The following JARID2 variants were observed in gnomAD, a reference collection of about 807,000 sequenced individuals.
JARID2 encodes the protein jumonji and AT-rich interaction domain containing 2.
A neutral mutation model predicts 125.6 loss-of-function variants in JARID2; 21 were observed. That is an observed-to-expected ratio of 0.17 (90% confidence interval 0.12 to 0.24). The LOEUF (loss-of-function observed/expected upper bound fraction) is 0.24, where lower values mean the gene tolerates loss of function less well. JARID2 is among the 10% of genes least tolerant of loss of function. JARID2 has a pLI of 1.00. For synonymous variants in JARID2, 736 were observed against 661.6 expected (o/e 1.11, Z -1.73); for missense variants, 1,303 against 1,639.6 (o/e 0.79, Z 3.55).
intron 1 of JARID2, chr6:15,248,734 G>T (rs1759305554): frequency 5.6e-6 from 1 of 177,960 alleles, no homozygotes; most frequent in Non-Finnish European, 1.1e-5. Flanking sequence ...GCCGCACTCT[G>T]TTGTCATTGT....
Position 15,283,492 on chromosome 6 carries a change from CAGCT to C in JARID2, c.45+36910_45+36913del, listed in dbSNP as rs1482586860. ...AGTAGCTGGGACTACAGGCATGCAC[CAGCT>C]ACGCCCGGCTAATTTTCTTGTATTT... On this transcript the variant is annotated intron_variant, in intron 1 of 17. Transcript: ENST00000341776. 3.0e-3 allele frequency among the ~76,000 whole-genome samples: 432 copies of C among 146,346 alleles called. 7 individuals are homozygous for C. The highest frequency in any genetic ancestry group is 9.9e-3 in the African/African-American group (388 of 39,320).
At chr6:15,268,429 A>G (rs528892449) in intron 1 of JARID2, among the ~76,000 whole-genome samples, 1 of 152,254 alleles carries the variant, frequency 6.6e-6, no homozygotes, top group South Asian at 2.1e-4. Context: ...TCCATTATCC[A>G]GTTATGGCAG....
intron 1 of JARID2, among the ~76,000 whole-genome samples, chr6:15,289,920 A>T (rs1761143404): frequency 6.6e-6 from 1 of 152,216 alleles, no homozygotes; most frequent in South Asian, 2.1e-4. Flanking sequence ...AAATTGTGGA[A>T]TGTACAAGTC....
intron 2 of JARID2, among the ~76,000 whole-genome samples, chr6:15,378,502 C>T (rs1426542616): frequency 2.0e-5 from 3 of 152,018 alleles, no homozygotes; most frequent in Non-Finnish European, 4.4e-5. Flanking sequence ...CAGAGACTCT[C>T]AGAGATCTGT....
At chr6:15,478,329 C>A (rs1769448594) in intron 5 of JARID2, among the ~76,000 whole-genome samples, 1 of 152,120 alleles carries the variant, frequency 6.6e-6, no homozygotes, top group African/African-American at 2.4e-5. Context: ...ACCTGACTCG[C>A]AATGCTGCTT....
At chr6:15,475,353 G>T (rs1373936071) in intron 5 of JARID2, among the ~76,000 whole-genome samples, 1 of 152,200 alleles carries the variant, frequency 6.6e-6, no homozygotes, top group African/African-American at 2.4e-5. Flanking sequence ...AAAGAGGTTA[G>T]CAATTTTCTG....
Position 15,247,207 on chromosome 6 carries a change from G to A in JARID2, c.45+623G>A, listed in dbSNP as rs72834538. Among the ~76,000 whole-genome samples the A allele has an allele frequency of 5.6e-3, 860 of 152,302 alleles. 6 individuals carry two copies. The highest frequency in any genetic ancestry group is 9.2e-3 in the Non-Finnish European group (627 of 68,028). ...TTTAAAAAATTCATGGTTTCCAGTT[G>A]TAGGGGAAAAGGACACACACTATGG... On this transcript the variant is annotated intron_variant, in intron 1 of 17. Coordinates refer to ENST00000341776, the MANE Select transcript of JARID2 (RefSeq NM_004973.4).
intron 1 of JARID2, chr6:15,315,017 C>G (rs189616447): frequency 6.6e-6 from 1 of 152,026 alleles, no homozygotes; most frequent in Admixed American, 6.6e-5. Flanking sequence ...GTGAAGCATT[C>G]CATATTTTTA....
chr6:15,247,452 G>T, intron 1 of JARID2: 28 of 982,826 alleles, frequency 2.8e-5, no homozygotes, highest in Non-Finnish European at 3.3e-5. Context: ...TTGAGGGGAG[G>T]GAGGAAAGGG....
At chr6:15,519,973 TG>T in intron 17 of JARID2, 95 bp from the exon 18 acceptor site, 1 of 946,110 alleles carries the variant, frequency 1.1e-6, no homozygotes, top group Non-Finnish European at 1.5e-6. Context: ...AGGGGACCGC[TG>T]CCCTCTGCCC....
intron 1 of JARID2, among the ~76,000 whole-genome samples, chr6:15,319,680 C>T (rs370701583): frequency 3.9e-5 from 6 of 152,106 alleles, no homozygotes; most frequent in African/African-American, 1.2e-4. Flanking sequence ...CCACTGCATC[C>T]GGTCTGTCCA....
At chr6:15,252,915 C>T (rs1025151983) in intron 1 of JARID2, among the ~76,000 whole-genome samples, 1 of 152,144 alleles carries the variant, frequency 6.6e-6, no homozygotes, top group African/African-American at 2.4e-5. Flanking sequence ...ATCTTTTATT[C>T]TAGGAGGTGA....
chr6:15,416,653 G>T (rs966856947), intron 3 of JARID2, among the ~76,000 whole-genome samples: 2 of 151,230 alleles, frequency 1.3e-5, no homozygotes, highest in African/African-American at 4.9e-5. Context: ...GTCCAGCTTC[G>T]GCTTGGCATC....
At chr6:15,375,698 C>A (rs1469433867) in intron 2 of JARID2, among the ~76,000 whole-genome samples, 1 of 152,138 alleles carries the variant, frequency 6.6e-6, no homozygotes, top group African/African-American at 2.4e-5. Flanking sequence ...GTCATTGATT[C>A]ACGTTGAACG....
intron 4 of JARID2, among the ~76,000 whole-genome samples, chr6:15,457,987 G>A (rs1237008851): frequency 1.3e-5 from 2 of 152,142 alleles, no homozygotes; most frequent in African/African-American, 4.8e-5. Context: ...CAGCCGGCCC[G>A]AGGTATTTGC....
chr6:15,509,053 C>G (rs945837320), intron 12 of JARID2: 1 of 1,289,280 alleles, frequency 7.8e-7, no homozygotes, highest in Non-Finnish European at 1.0e-6. Context: ...TGTGGAGACA[C>G]GCGCGTTATG....
At chr6:15,314,284 T>A (rs543866359) in intron 1 of JARID2, among the ~76,000 whole-genome samples, 3 of 152,282 alleles carry the variant, frequency 2.0e-5, no homozygotes, top group Admixed American at 6.5e-5. Context: ...TACTTTGTTA[T>A]TTATGTGGTT....
At chr6:15,415,620 C>T (rs1581529112) in intron 3 of JARID2, among the ~76,000 whole-genome samples, 4 of 146,594 alleles carry the variant, frequency 2.7e-5, no homozygotes, top group Middle Eastern at 3.8e-3. Context: ...CCCTCCCGGT[C>T]GGGGCGGCTG....
At chr6:15,466,713 C>A (rs1270444960) in intron 4 of JARID2, among the ~76,000 whole-genome samples, 1 of 152,200 alleles carries the variant, frequency 6.6e-6, no homozygotes, top group Non-Finnish European at 1.5e-5. Flanking sequence ...TGCTAATTAG[C>A]CTCCTGTTTT....
Sources: gnomAD v4.1 joint callset for allele counts (sites outside exome capture counted in the v4.1 genomes callset) on GRCh38, gnomAD v4.1.1 for gene constraint, MANE v1.5 for transcripts, NCBI Gene and HGNC (gene_info 2026-07-23, HGNC 2026-07-21) for gene names.